Variants in HTT observed in about 807,000 individuals in gnomAD.
The protein encoded by HTT is huntingtin, also known as huntington disease protein.
In HTT, 104 loss-of-function variants were observed where a neutral mutation model predicts 362.3. The observed-to-expected ratio is 0.29, with a 90% CI of 0.24 to 0.34. The LOEUF is 0.34. Among genes scored for constraint, HTT ranks in the 10% least tolerant of loss-of-function variants. The pLI, the probability that HTT is intolerant of heterozygous loss-of-function variation, is 1.00. For synonymous variants in HTT, 1,577 were observed against 1,548.7 expected (o/e 1.02, Z -0.43); for missense variants, 3,301 against 3,928.6 (o/e 0.84, Z 4.27).
chr4:3,076,206 A>G (rs1023316916), intron 1 of HTT, among the ~76,000 whole-genome samples: 2 of 152,182 alleles, frequency 1.3e-5, no homozygotes, highest in Non-Finnish European at 2.9e-5. Flanking sequence ...CCATTAAAAC[A>G]TCTAGCGGAA....
intron 3 of HTT, among the ~76,000 whole-genome samples, chr4:3,102,957 A>AG (rs996207843): frequency 1.3e-5 from 2 of 152,086 alleles, no homozygotes; most frequent in South Asian, 2.1e-4. Flanking sequence ...GCTCTGGGTC[A>AG]GGGGGGCAGG....
At chr4:3,145,262 T>A (rs761102075) in intron 24 of HTT, 34 bp downstream of exon 24, 3 of 1,334,744 alleles carry the variant, frequency 2.2e-6, no homozygotes, top group Non-Finnish European at 3.2e-6. Context: ...TTAATAGTTG[T>A]CTACAACAGT....
intron 1 of HTT, among the ~76,000 whole-genome samples, chr4:3,077,185 A>T (rs560774672): frequency 7.9e-5 from 12 of 152,088 alleles, no homozygotes; most frequent in South Asian, 2.1e-4. Context: ...CTCAAAAAAA[A>T]TTTTTTTTAA....
At chr4:3,197,957 A>G (rs996302433) in intron 40 of HTT, among the ~76,000 whole-genome samples, 1 of 152,192 alleles carries the variant, frequency 6.6e-6, no homozygotes. Flanking sequence ...CCACAGAAGG[A>G]TGAGGCCAGT....
At chr4:3,131,878 T>G in intron 16 of HTT, 103 bp downstream of exon 16, 1 of 1,117,640 alleles carries the variant, frequency 8.9e-7, no homozygotes, top group South Asian at 1.5e-5. Context: ...TGTTTTGAGT[T>G]CATTTGGGAT....
At chr4:3,188,829 C>G in intron 39 of HTT, 122 bp from the exon 40 acceptor site, 1 of 915,632 alleles carries the variant, frequency 1.1e-6, no homozygotes, top group South Asian at 1.7e-5. Context: ...TTCACTTTAG[C>G]GGTTAATGTA....
chr4:3,108,388 C>A (rs933283236), intron 6 of HTT, among the ~76,000 whole-genome samples: 1 of 151,010 alleles, frequency 6.6e-6, no homozygotes, highest in Non-Finnish European at 1.5e-5. Flanking sequence ...TGTAATATTT[C>A]TTCATGCTCA....
chr4:3,147,087 G>A, intron 25 of HTT, 139 bp downstream of exon 25: 2 of 859,614 alleles, frequency 2.3e-6, no homozygotes, highest in South Asian at 3.0e-5. Context: ...TCAAATTTCA[G>A]ATGTTACCTA....
At chr4:3,208,068 A>C (rs1719957630) in intron 45 of HTT, among the ~76,000 whole-genome samples, 1 of 152,178 alleles carries the variant, frequency 6.6e-6, no homozygotes, top group Non-Finnish European at 1.5e-5. Context: ...TATGCTTTTC[A>C]GTCTTTAGAG....
chr4:3,235,483 G>A (rs1313252691), intron 62 of HTT, 82 bp from the exon 63 acceptor site: 36 of 1,532,238 alleles, frequency 2.3e-5, no homozygotes, highest in Non-Finnish European at 3.1e-5. Flanking sequence ...CAGTGGGCCA[G>A]TTTTGACTTG....
At chr4:3,142,390 A>G (rs1560566634) in intron 22 of HTT, among the ~76,000 whole-genome samples, 1 of 152,232 alleles carries the variant, frequency 6.6e-6, no homozygotes. Flanking sequence ...AATGGGGGAT[A>G]GAAATTGACA....
intron 12 of HTT, chr4:3,128,574 G>A (rs1328800096): frequency 6.6e-6 from 1 of 152,122 alleles, no homozygotes; most frequent in Non-Finnish European, 1.5e-5. Flanking sequence ...GATTAATACT[G>A]TGCATTATTT....
chr4:3,206,467 A>G lies in HTT; in HGVS notation c.5719-29A>G, dbSNP rs1402059837. On this transcript the variant is annotated intron_variant, in intron 42 of 66. Transcript: ENST00000355072. The surrounding 1 kb of genome is among the most constrained non-coding windows in gnomAD (Gnocchi z 4.6). ...CCTGGTCTCTTCTTGTGTACTTGAA[A>G]ATGAATCTCTCATCATATTTTTCCT... 4 of 1,593,080 alleles carry G rather than the reference A, an allele frequency of 2.5e-6. No individual in the cohort carries two copies. The highest frequency in any genetic ancestry group is 3.4e-6 in the Non-Finnish European group (4 of 1,161,382).
At chr4:3,095,738 CAATT>C (rs1427121604) in intron 2 of HTT, among the ~76,000 whole-genome samples, 1 of 152,048 alleles carries the variant, frequency 6.6e-6, no homozygotes, top group East Asian at 1.9e-4. Context: ...ATAGTATAAA[CAATT>C]AAGCAACAAC....
intron 60 of HTT, among the ~76,000 whole-genome samples, chr4:3,232,394 G>A (rs1721298173): frequency 6.6e-6 from 1 of 152,224 alleles, no homozygotes; most frequent in South Asian, 2.1e-4. Context: ...TTGGGCTGAA[G>A]GAGGGTGACA....
Position 3,140,758 on chromosome 4 carries a change from C to T in HTT, c.2945+102C>T, listed in dbSNP as rs1354752852. On this transcript the variant is annotated intron_variant, in intron 22 of 66. Coordinates refer to ENST00000355072, the MANE Select transcript of HTT (RefSeq NM_001388492.1). ...AAACATTTTATTTTCTAGAAAAAAG[C>T]TTCAGCTCAGGATGTTTGAGTGTAG... 3.4e-6 allele frequency: 4 copies of T among 1,190,580 alleles called. No individual in the cohort carries two copies. The African/African-American group carries it at 4.6e-5, about 14-fold the overall frequency. 73.8% of individuals were successfully genotyped at this position (1,190,580 alleles called of 1,614,324 possible).
intron 40 of HTT, among the ~76,000 whole-genome samples, chr4:3,192,106 G>T (rs760763234): frequency 6.6e-6 from 1 of 151,898 alleles, no homozygotes; most frequent in Admixed American, 6.6e-5. Flanking sequence ...TCACTTTGTC[G>T]CCTAGGCTGA....
rs1190351089 is a variant in HTT, at chr4:3,206,009, A to G, written c.5719-487A>G. Among the ~76,000 whole-genome samples the G allele has an allele frequency of 6.6e-6, 1 of 152,258 alleles. No individual in the cohort carries two copies. The highest frequency in any genetic ancestry group is 6.5e-5 in the Admixed American group (1 of 15,290). On this transcript the variant is annotated intron_variant, in intron 42 of 66. Coordinates refer to ENST00000355072, the MANE Select transcript of HTT (RefSeq NM_001388492.1). This position sits in a 1 kb window ranked among gnomAD's most constrained non-coding sequence, Gnocchi z 4.6. The stretch of plus-strand genomic sequence containing the variant: ...TATTTTGGATTCAACAGTTCTGTCA[A>G]AACTGTGGCAGTGATAGGGGATTCT...
chr4:3,110,059 A>G (rs1714669472), intron 6 of HTT, among the ~76,000 whole-genome samples: 1 of 152,076 alleles, frequency 6.6e-6, no homozygotes, highest in South Asian at 2.1e-4. Context: ...TTTCATCACC[A>G]TGTCGTGTTC....
Sources: allele counts gnomAD v4.1 joint callset (sites outside exome capture counted in the v4.1 genomes callset), GRCh38; gene constraint gnomAD v4.1.1; non-coding constraint Gnocchi (gnomAD v3.1); transcripts MANE v1.5; gene names NCBI Gene and HGNC (gene_info 2026-07-23, HGNC 2026-07-21).